EMC1: variants seen among roughly 807,000 people sequenced by gnomAD.
The protein encoded by EMC1 is ER membrane protein complex subunit 1, also known as KIAA0090.
In EMC1, 103 loss-of-function variants were observed where a neutral mutation model predicts 128.8. The observed-to-expected ratio is 0.80, with a 90% confidence interval of 0.68 to 0.94. The LOEUF is 0.94. Among genes scored for constraint, EMC1 ranks in the 40% least tolerant of loss-of-function variants. EMC1 has a pLI of 0.00. For synonymous variants in EMC1, 442 were observed against 490.4 expected (o/e 0.90, Z 1.30); for missense variants, 1,083 against 1,250.6 (o/e 0.87, Z 2.02).
At chr1:19,244,425 T>C (rs909216249) in intron 2 of EMC1, among the ~76,000 whole-genome samples, 1 of 152,178 alleles carries the variant, frequency 6.6e-6, no homozygotes, top group Non-Finnish European at 1.5e-5. Flanking sequence ...AGCATCTTTT[T>C]TTTTGAGACA....
At chr1:19,228,490 G>T (rs541625596) in intron 17 of EMC1, among the ~76,000 whole-genome samples, 2 of 152,188 alleles carry the variant, frequency 1.3e-5, no homozygotes, top group African/African-American at 2.4e-5. Flanking sequence ...GCCCTTGGGG[G>T]TGGAGACAGG....
At chr1:19,239,104 T>G in intron 9 of EMC1, 127 bp downstream of exon 9, 1 of 877,546 alleles carries the variant, frequency 1.1e-6, no homozygotes, top group Non-Finnish European at 1.9e-6. Context: ...ACCTCACTTC[T>G]CAACAGCCTC....
At chr1:19,225,572 G>A (rs567098313) in intron 18 of EMC1, among the ~76,000 whole-genome samples, 27 of 152,230 alleles carry the variant, frequency 1.8e-4, no homozygotes, top group African/African-American at 6.5e-4. Context: ...TCTTGAACCT[G>A]GGACGTGGAG....
At chr1:19,225,005 G>A (rs978401108) in intron 18 of EMC1, among the ~76,000 whole-genome samples, 5 of 152,060 alleles carry the variant, frequency 3.3e-5, no homozygotes, top group Non-Finnish European at 7.4e-5. Context: ...TTAGCCACCC[G>A]ACTTACACTG....
At chr1:19,233,775 C>A (rs1572004169) in intron 13 of EMC1, among the ~76,000 whole-genome samples, 1 of 152,152 alleles carries the variant, frequency 6.6e-6, no homozygotes, top group Non-Finnish European at 1.5e-5. Context: ...TCTAGCAGGC[C>A]CAGATTAAGA....
At chr1:19,250,450 A>G (rs558513291) in intron 1 of EMC1, among the ~76,000 whole-genome samples, 3 of 152,308 alleles carry the variant, frequency 2.0e-5, no homozygotes, top group Admixed American at 2.0e-4. Flanking sequence ...TAACATACAC[A>G]TATGACATTG....
At chr1:19,239,718 C>T in intron 8 of EMC1, 100 bp downstream of exon 8, 1 of 1,275,662 alleles carries the variant, frequency 7.8e-7, no homozygotes, top group Non-Finnish European at 1.1e-6. Context: ...CAATCTTGGG[C>T]CTAAGAGCAA....
chr1:19,239,213 G>C lies in EMC1; in HGVS notation c.1026+18C>G. ...GGAAGGAAAATCCCAAGTGCTGACT[G>C]TTGTTCTCAATACTCACCACTTCAT... On this transcript the variant is annotated intron_variant, in intron 9 of 22. Coordinates refer to ENST00000477853, the MANE Select transcript of EMC1 (RefSeq NM_015047.3). 3 of 1,608,502 alleles carry C rather than the reference G, an allele frequency of 1.9e-6. No homozygotes were observed. The highest frequency in any genetic ancestry group is 2.6e-6 in the Non-Finnish European group (3 of 1,174,896).
At chr1:19,238,949 TGAGAG>T in intron 9 of EMC1, 92 bp from the exon 10 acceptor site, 2 of 951,790 alleles carry the variant, frequency 2.1e-6, no homozygotes, top group African/African-American at 3.3e-5. Flanking sequence ...TCTTAGCACT[TGAGAG>T]AAGACAAAGC....
intron 2 of EMC1, 65 bp downstream of exon 2, chr1:19,244,841 G>A: frequency 6.3e-7 from 1 of 1,584,376 alleles, no homozygotes; most frequent in Admixed American, 1.7e-5. Context: ...CAGCCAGGCA[G>A]AGTTGGCAAT....
intron 1 of EMC1, among the ~76,000 whole-genome samples, chr1:19,247,523 C>T (rs1020476726): frequency 4.6e-5 from 7 of 152,108 alleles, no homozygotes; most frequent in East Asian, 1.9e-4. Flanking sequence ...GCATTAATCA[C>T]GTTTGCGGTG....
chr1:19,245,767 G>T (rs561610770), intron 1 of EMC1, among the ~76,000 whole-genome samples: 16 of 151,488 alleles, frequency 1.1e-4, no homozygotes, highest in Non-Finnish European at 1.9e-4. Context: ...TGGGATTACA[G>T]GCACCTGCCA....
chr1:19,243,565 C>T, intron 4 of EMC1, 49 bp downstream of exon 4: 6 of 1,517,614 alleles, frequency 4.0e-6, no homozygotes, highest in Non-Finnish European at 5.5e-6. Context: ...GATCTGTGTT[C>T]CGGTGAAGCC....
intron 12 of EMC1, among the ~76,000 whole-genome samples, chr1:19,236,414 T>C (rs1035537507): frequency 6.0e-5 from 9 of 151,004 alleles, no homozygotes; most frequent in African/African-American, 2.2e-4. Flanking sequence ...CCCAGCACTT[T>C]GGGAGGCCGA....
chr1:19,225,825 A>C (rs2093468719), intron 18 of EMC1, among the ~76,000 whole-genome samples: 1 of 152,002 alleles, frequency 6.6e-6, no homozygotes, highest in Non-Finnish European at 1.5e-5. Context: ...TCTCAAAAAA[A>C]AAAAAAAAGA....
At position 19,239,986 on chromosome 1, in the gene EMC1, C is replaced by T. The variant is rs772560574; in HGVS notation, c.787-1G>A. 1.2e-6 allele frequency: 2 copies of T among 1,609,202 alleles called. No homozygotes were observed. Among genetic ancestry groups the T allele is most frequent in the Non-Finnish European group, 1.7e-6 (2 of 1,176,770 alleles). ...CACTTCCAAATTCTAAGTCGAGAGA[C>T]TGGAAGGCAAGAAGGAGGAGGATTA... On this transcript the variant is annotated splice_acceptor_variant, in intron 7 of 22. Coordinates refer to ENST00000477853, the MANE Select transcript of EMC1 (RefSeq NM_015047.3). LOFTEE classifies it high-confidence loss of function.
At chr1:19,239,140 G>T (rs2093587981) in intron 9 of EMC1, 91 bp downstream of exon 9, 11 of 1,254,950 alleles carry the variant, frequency 8.8e-6, no homozygotes, top group Non-Finnish European at 1.0e-5. Context: ...AAACTGACCA[G>T]GTCAATGTGC....
rs1377695140 is a variant in EMC1 at position 19,244,927 on chromosome 1, T to G, written c.199A>C (p.Asn67His). The change falls in exon 2 of 23, where the codon AAT becomes CAT. Residue 67 changes from asparagine (N) to histidine (H), a missense_variant. By Grantham distance (68) the Asn-to-His change is moderately conservative. This residue lies in a region of EMC1 where 544 missense variants were observed against 572.4 expected (regional missense o/e 0.95). Coordinates refer to ENST00000477853, the MANE Select transcript of EMC1 (RefSeq NM_015047.3). The part of the protein sequence containing the change: ...ATEKNVIAAL[N>H]SRTGEILWRH... The stretch of plus-strand genomic sequence containing the variant: ...TCACAGATCTCCCCAGTTCGGGAAT[T>G]TAATGCTGCAATCACATTCTTCTCT... 6.2e-7 allele frequency: 1 copy of G among 1,613,728 alleles called. No homozygotes were observed. The highest frequency in any genetic ancestry group is 2.2e-5 in the East Asian group (1 of 44,872).
At chr1:19,238,693 G>T in intron 10 of EMC1, 102 bp downstream of exon 10, 1 of 749,870 alleles carries the variant, frequency 1.3e-6, no homozygotes. Context: ...ATTTGAAGCT[G>T]GGAACTCTAG....
Sources: allele counts gnomAD v4.1 joint callset (sites outside exome capture counted in the v4.1 genomes callset), GRCh38; gene constraint gnomAD v4.1.1; regional missense constraint gnomAD v4.1.1; transcripts MANE v1.5; gene names NCBI Gene and HGNC (gene_info 2026-07-23, HGNC 2026-07-21).